DHRSX: variants seen among roughly 807,000 people sequenced by gnomAD.
DHRSX encodes the protein polyprenol dehydrogenase.
DHRSX carries 31 observed loss-of-function variants against 34.0 expected under a neutral mutation model. The ratio of observed to expected loss-of-function variants is 0.91; its 90% CI spans 0.69 to 1.23. DHRSX has a LOEUF of 1.23. DHRSX is among the 50% of genes most tolerant of loss of function. DHRSX has a pLI of 0.00. For synonymous variants in DHRSX, 201 were observed against 183.8 expected (o/e 1.09, Z -0.76); for missense variants, 414 against 428.1 (o/e 0.97, Z 0.29).
chrX:2,321,133 T>C (rs2038894547), intron 3 of DHRSX, among the ~76,000 whole-genome samples: 1 of 152,058 alleles, frequency 6.6e-6, no homozygotes, highest in African/African-American at 2.4e-5. Context: ...AGAGCCTAAG[T>C]ATATCTTCAT....
chrX:2,402,066 T>A (rs747909043), intron 3 of DHRSX, among the ~76,000 whole-genome samples: 34 of 152,002 alleles, frequency 2.2e-4, no homozygotes, highest in African/African-American at 6.0e-4. Flanking sequence ...GAGAGAGAAT[T>A]GAGAGCAGGA....
At chrX:2,276,571 G>A (rs1180552677) in intron 4 of DHRSX, among the ~76,000 whole-genome samples, 1 of 152,064 alleles carries the variant, frequency 6.6e-6, no homozygotes, top group Non-Finnish European at 1.5e-5. Context: ...GCACCTAATG[G>A]CATTTTACTG....
intron 3 of DHRSX, among the ~76,000 whole-genome samples, chrX:2,395,759 G>A (rs1190977416): frequency 6.6e-6 from 1 of 152,082 alleles, no homozygotes; most frequent in East Asian, 1.9e-4. Context: ...GAGCCAGGGG[G>A]GTGACTATGT....
intron 6 of DHRSX, among the ~76,000 whole-genome samples, chrX:2,227,437 CAGAG>C (rs947617300): frequency 1.4e-5 from 2 of 137,932 alleles, no homozygotes; most frequent in African/African-American, 5.5e-5. Flanking sequence ...AGGAGTGACA[CAGAG>C]AGAGAGGGAG....
At chrX:2,354,682 G>A (rs1489597899) in intron 3 of DHRSX, among the ~76,000 whole-genome samples, 2 of 152,002 alleles carry the variant, frequency 1.3e-5, no homozygotes, top group Non-Finnish European at 2.9e-5. Flanking sequence ...GGCTGGTCTC[G>A]AACTCCTGAC....
intron 1 of DHRSX, among the ~76,000 whole-genome samples, chrX:2,432,753 C>T (rs1171411321): frequency 1.3e-5 from 2 of 152,088 alleles, no homozygotes; most frequent in Non-Finnish European, 2.9e-5. Flanking sequence ...ATTAGTTTAA[C>T]CTCCACAGAA....
intron 1 of DHRSX, chrX:2,486,600 G>C (rs999674635): frequency 1.2e-4 from 19 of 152,220 alleles, no homozygotes; most frequent in African/African-American, 4.3e-4. Flanking sequence ...GAGACGTGAA[G>C]AGAACGCTGG....
At chrX:2,483,249 C>T (rs1247863500) in intron 1 of DHRSX, among the ~76,000 whole-genome samples, 1 of 147,044 alleles carries the variant, frequency 6.8e-6, no homozygotes, top group Non-Finnish European at 1.5e-5. Context: ...CCATGTTTGG[C>T]TAATTTTTAT....
At chrX:2,360,412 G>A (rs1006650336) in intron 3 of DHRSX, among the ~76,000 whole-genome samples, 11 of 152,186 alleles carry the variant, frequency 7.2e-5, no homozygotes, top group East Asian at 1.9e-4. Flanking sequence ...GTGAAACCCT[G>A]TCTCTACTAA....
intron 1 of DHRSX, among the ~76,000 whole-genome samples, chrX:2,491,360 G>A (rs1192818325): frequency 6.6e-6 from 1 of 152,184 alleles, no homozygotes; most frequent in Non-Finnish European, 1.5e-5. Flanking sequence ...GTGAGTCACC[G>A]CGCCCAGCCT....
At chrX:2,351,543 A>C (rs1450921404) in intron 3 of DHRSX, among the ~76,000 whole-genome samples, 3 of 152,204 alleles carry the variant, frequency 2.0e-5, no homozygotes, top group Non-Finnish European at 4.4e-5. Flanking sequence ...GAAAGAGGAC[A>C]TGGTACAGTG....
intron 3 of DHRSX, among the ~76,000 whole-genome samples, chrX:2,296,258 G>A (rs1368241884): frequency 6.6e-6 from 1 of 152,186 alleles, no homozygotes; most frequent in Non-Finnish European, 1.5e-5. Flanking sequence ...AAAAGTCAGC[G>A]GAAGAGGTAA....
intron 1 of DHRSX, among the ~76,000 whole-genome samples, chrX:2,446,302 C>T (rs1202056911): frequency 1.3e-5 from 2 of 150,896 alleles, no homozygotes; most frequent in Non-Finnish European, 1.5e-5. Context: ...AGGGGACTGC[C>T]GCTGTGTAGG....
At chrX:2,371,852 T>C (rs2043076766) in intron 3 of DHRSX, among the ~76,000 whole-genome samples, 1 of 152,170 alleles carries the variant, frequency 6.6e-6, no homozygotes, top group Admixed American at 6.6e-5. Context: ...GGTGTCTCTG[T>C]CACCATCATG....
chrX:2,396,221 A>T (rs2043407437), intron 3 of DHRSX, among the ~76,000 whole-genome samples: 1 of 151,774 alleles, frequency 6.6e-6, no homozygotes, highest in African/African-American at 2.4e-5. Flanking sequence ...ATCCAGAATG[A>T]TCTCATCTTG....
intron 3 of DHRSX, among the ~76,000 whole-genome samples, chrX:2,346,644 G>C (rs1048374314): frequency 8.5e-6 from 1 of 117,232 alleles, no homozygotes; most frequent in African/African-American, 3.4e-5. Flanking sequence ...GTATGAGTCT[G>C]GTTTTTTTTT....
At chrX:2,386,775 A>G (rs1381101626) in intron 3 of DHRSX, among the ~76,000 whole-genome samples, 1 of 151,958 alleles carries the variant, frequency 6.6e-6, no homozygotes, top group Non-Finnish European at 1.5e-5. Context: ...TCTTGTTCCA[A>G]TTCATGCTAA....
intron 3 of DHRSX, among the ~76,000 whole-genome samples, chrX:2,326,294 G>A (rs1472202490): frequency 4.6e-5 from 7 of 152,174 alleles, no homozygotes; most frequent in South Asian, 4.1e-4. Context: ...AGGCCAAGGC[G>A]GGCAGATCAC....
intron 5 of DHRSX, among the ~76,000 whole-genome samples, chrX:2,244,847 G>A (rs1252516549): frequency 6.6e-6 from 1 of 151,938 alleles, no homozygotes; most frequent in Non-Finnish European, 1.5e-5. Flanking sequence ...AAGTAGCTGG[G>A]ACTATAGGCG....
Sources: gnomAD v4.1 joint callset for allele counts (sites outside exome capture counted in the v4.1 genomes callset) on GRCh38, gnomAD v4.1.1 for gene constraint, MANE v1.5 for transcripts, NCBI Gene and HGNC (gene_info 2026-07-23, HGNC 2026-07-21) for gene names.